C2CD2: variants seen among roughly 807,000 people sequenced by gnomAD.
C2CD2 encodes C2 calcium dependent domain containing 2.
C2CD2 carries 43 observed loss-of-function variants against 74.3 expected under a neutral mutation model. That is an observed-to-expected ratio of 0.58 (90% CI 0.45 to 0.75). The LOEUF (loss-of-function observed/expected upper bound fraction) is 0.75. C2CD2 is among the 30% of genes least tolerant of loss of function. The pLI is 0.00. For synonymous variants in C2CD2, 422 were observed against 390.7 expected, an observed-to-expected ratio of 1.08 and a Z score of -0.94; for missense variants, 801 against 916.3, an observed-to-expected ratio of 0.87 and a Z score of 1.63.
At position 41,918,852 on chromosome 21, in the gene C2CD2, T is replaced by C; in HGVS notation, c.597+4A>G. The C allele has an allele frequency of 1.2e-6, 2 of 1,610,524 alleles. No individual in the cohort carries two copies. Among genetic ancestry groups the C allele is most frequent in the Non-Finnish European group, 1.7e-6 (2 of 1,176,762 alleles). ...GGAAGAATCATAAAAACTTACGGAC[T>C]GACCTCCCCCAGTGCTTTGGGCTGG... On this transcript the variant is annotated splice_donor_region_variant and intron_variant, in intron 4 of 13. Transcript: ENST00000380486.
intron 4 of C2CD2, among the ~76,000 whole-genome samples, chr21:41,918,653 A>G (rs923552452): frequency 1.3e-5 from 2 of 151,936 alleles, no homozygotes; most frequent in Admixed American, 1.3e-4. Context: ...CATCCAATCC[A>G]TCAAAGCCAT....
rs1436370679 is a variant in C2CD2 at position 41,939,708 on chromosome 21, A to G, written c.378+2439T>C. Among the ~76,000 whole-genome samples, 1 of 152,094 alleles carries G rather than the reference A, an allele frequency of 6.6e-6. No homozygotes were observed. The highest frequency in any genetic ancestry group is 1.5e-5 in the Non-Finnish European group (1 of 68,008). ...TACTTTCCAGTGACTTCCTCACACT[A>G]CTTACAAGGATTATCTAACAGCGTG... On this transcript the variant is annotated intron_variant, in intron 2 of 13. Transcript: ENST00000380486. This position sits in a 1 kb window ranked among gnomAD's most constrained non-coding sequence, Gnocchi z 5.5.
intron 13 of C2CD2, chr21:41,894,922 G>A (rs1386694861): frequency 2.2e-6 from 1 of 456,714 alleles, no homozygotes; most frequent in East Asian, 6.9e-5. Context: ...AACCCCATAT[G>A]GAATGTACCG....
rs532361675 is a variant in C2CD2 at position 41,899,599 on chromosome 21, G to A, written c.1561-237C>T. Among the ~76,000 whole-genome samples, 2 of 152,182 alleles carry A rather than the reference G, an allele frequency of 1.3e-5. No homozygotes were observed. The highest frequency in any genetic ancestry group is 2.1e-4 in the South Asian group (1 of 4,816). On this transcript the variant is annotated intron_variant, in intron 12 of 13. Transcript: ENST00000380486. This position sits in a 1 kb window ranked among gnomAD's most constrained non-coding sequence, Gnocchi z 4.4. Reference sequence around the variant, plus strand: ...CCTAGGCAGCTGGGGGTTGGCCCCCGGGGCTCAGAGGTTAACCCTCTTCCT... The same window carrying A: ...CCTAGGCAGCTGGGGGTTGGCCCCCAGGGCTCAGAGGTTAACCCTCTTCCT...
At chr21:41,912,226 G>C in intron 7 of C2CD2, 106 bp downstream of exon 7, 2 of 628,246 alleles carry the variant, frequency 3.2e-6, no homozygotes, top group South Asian at 3.9e-5. Context: ...TAACTGTTTT[G>C]GTTTAGTGTT....
In C2CD2 at chr21:41,887,763, T is replaced by G. The variant is rs2064701897; in HGVS notation, c.*1361A>C. On this transcript the variant is annotated 3_prime_UTR_variant, in exon 14 of 14. Transcript: ENST00000380486. ...GGCTACGGAAGGAAGCTTGCCCATT[T>G]CCGTCTCCATGACAGAAGCCAAGCT... 6.6e-6 allele frequency: 1 copy of G among 152,222 alleles called. No individual in the cohort carries two copies. The highest frequency in any genetic ancestry group is 6.5e-5 in the Admixed American group (1 of 15,284). 9.4% of individuals were successfully genotyped at this position (152,222 alleles called of 1,614,324 possible).
chr21:41,900,801 CAA>C (rs1028990192), intron 12 of C2CD2, among the ~76,000 whole-genome samples: 1 of 151,582 alleles, frequency 6.6e-6, no homozygotes, highest in African/African-American at 2.4e-5. Context: ...TTGGAAATGT[CAA>C]AAAAAAGTAA....
At chr21:41,915,994 T>G (rs948579383) in intron 5 of C2CD2, among the ~76,000 whole-genome samples, 1 of 152,174 alleles carries the variant, frequency 6.6e-6, no homozygotes, top group Non-Finnish European at 1.5e-5. Context: ...GACTGAGCAC[T>G]TCTTCGGGGG....
intron 1 of C2CD2, among the ~76,000 whole-genome samples, chr21:41,951,705 C>T (rs1453400188): frequency 2.0e-5 from 3 of 152,210 alleles, no homozygotes; most frequent in Non-Finnish European, 4.4e-5. Context: ...CAGCCTAAGA[C>T]AGATGCCAGG....
At position 41,939,804 on chromosome 21, in the gene C2CD2, C is replaced by T. The variant is rs779302280; in HGVS notation, c.378+2343G>A. Among the ~76,000 whole-genome samples, 2 of 152,212 alleles carry T rather than the reference C, an allele frequency of 1.3e-5. No individual in the cohort carries two copies. The highest frequency in any genetic ancestry group is 2.4e-5 in the African/African-American group (1 of 41,448). On this transcript the variant is annotated intron_variant, in intron 2 of 13. Coordinates refer to ENST00000380486, the MANE Select transcript of C2CD2 (RefSeq NM_015500.2). The surrounding 1 kb of genome is among the most constrained non-coding windows in gnomAD (Gnocchi z 5.5). ...CTGCTGGGGCAGAGAAAACCGGGAA[C>T]AGCACTTTGGTGACTGACTCAGGAA...
At chr21:41,925,887 A>T (rs915487949) in intron 2 of C2CD2, among the ~76,000 whole-genome samples, 1 of 152,026 alleles carries the variant, frequency 6.6e-6, no homozygotes, top group Admixed American at 6.6e-5. Flanking sequence ...CCTGATTTTG[A>T]CCCTAGATCC....
chr21:41,929,559 T>C lies in C2CD2; in HGVS notation c.379-7474A>G, dbSNP rs979305942. On this transcript the variant is annotated intron_variant, in intron 2 of 13. Coordinates refer to ENST00000380486, the MANE Select transcript of C2CD2 (RefSeq NM_015500.2). This position sits in a 1 kb window ranked among gnomAD's most constrained non-coding sequence, Gnocchi z 4.6. ...CTCCCTGGCTTCTGAGATGGGCCTTTCCCCAGACTAGGTGGGTTATAACTT... is the reference window on the plus strand; with the variant it reads ...CTCCCTGGCTTCTGAGATGGGCCTTCCCCCAGACTAGGTGGGTTATAACTT... Among the ~76,000 whole-genome samples, 1 of 150,760 alleles carries C rather than the reference T, an allele frequency of 6.6e-6. No homozygotes were observed. Among genetic ancestry groups the C allele is most frequent in the Non-Finnish European group, 1.5e-5 (1 of 67,252 alleles).
chr21:41,931,446 C>T (rs536164231), intron 2 of C2CD2, among the ~76,000 whole-genome samples: 1 of 130,356 alleles, frequency 7.7e-6, no homozygotes, highest in Non-Finnish European at 1.6e-5. Flanking sequence ...TTTTTTGAGA[C>T]GGAGTCTTGC....
At chr21:41,907,611 G>GTTAC (rs1312763801) in intron 9 of C2CD2, 49 bp downstream of exon 9, 1 of 1,589,788 alleles carries the variant, frequency 6.3e-7, no homozygotes, top group Non-Finnish European at 8.5e-7. Context: ...CGCTCCTTGG[G>GTTAC]TAAGTGCCCC....
At chr21:41,889,883 T>C (rs2064730267) in intron 13 of C2CD2, among the ~76,000 whole-genome samples, 1 of 152,022 alleles carries the variant, frequency 6.6e-6, no homozygotes, top group South Asian at 2.1e-4. Context: ...GATCCACCCC[T>C]CCCTCAGCCT....
chr21:41,887,338 G>C lies in C2CD2; in HGVS notation c.*1786C>G, dbSNP rs1268039913. ...TAATTTTTAAAAACAAAGCAGGTTG[G>C]AAAAGTCATTTTAAAGTCACTTGAT... is the stretch of plus-strand genomic sequence containing the variant. On this transcript the variant is annotated 3_prime_UTR_variant, in exon 14 of 14. Transcript: ENST00000380486. 6.6e-6 allele frequency: 1 copy of C among 152,104 alleles called. No homozygotes were observed. Among genetic ancestry groups the C allele is most frequent in the Non-Finnish European group, 1.5e-5 (1 of 68,026 alleles). 9.4% of individuals were successfully genotyped at this position (152,104 alleles called of 1,614,324 possible).
chr21:41,945,785 C>A lies in C2CD2; in HGVS notation c.280-3540G>T, dbSNP rs143205500. 6.6e-6 allele frequency among the ~76,000 whole-genome samples: 1 copy of A among 152,086 alleles called. No individual in the cohort carries two copies. Among genetic ancestry groups the A allele is most frequent in the Admixed American group, 6.5e-5 (1 of 15,274 alleles). ...CCTCCTTCCTTCTTCCCTCTCCTGCCGCCTTATGAAGAAGGTGACGGCTTT... is the reference window on the plus strand; with the variant it reads ...CCTCCTTCCTTCTTCCCTCTCCTGCAGCCTTATGAAGAAGGTGACGGCTTT... On this transcript the variant is annotated intron_variant, in intron 1 of 13. Coordinates refer to ENST00000380486, the MANE Select transcript of C2CD2 (RefSeq NM_015500.2). This position sits in a 1 kb window ranked among gnomAD's most constrained non-coding sequence, Gnocchi z 4.2.
Position 41,901,664 on chromosome 21 carries a change from C to T in C2CD2, c.1518G>A (p.Ser506=), listed in dbSNP as rs374371561. 1.7e-5 allele frequency: 27 copies of T among 1,614,006 alleles called. No homozygotes were observed. The highest frequency in any genetic ancestry group is 1.2e-4 in the African/African-American group (9 of 74,910). Residue 506 remains serine (S), a synonymous_variant, in exon 12 of 14, where the codon TCG becomes TCA. Transcript: ENST00000380486. ...TGATAATAGTGCTTTTCTTCCGTGG[C>T]GACTTGAGTTTCAGCTTTGAAGATT... is the stretch of plus-strand genomic sequence containing the variant. ...LSESSKLKLK[S]PRKKSTIIIS...
intron 8 of C2CD2, chr21:41,908,579 C>T (rs998084970): frequency 2.0e-4 from 30 of 152,134 alleles, no homozygotes; most frequent in African/African-American, 6.7e-4. Context: ...CACGGGCATC[C>T]CAGTTTTCTC....
Sources: gnomAD v4.1 joint callset for allele counts (sites outside exome capture counted in the v4.1 genomes callset) on GRCh38, gnomAD v4.1.1 for gene constraint, Gnocchi (gnomAD v3.1) non-coding constraint, MANE v1.5 for transcripts, NCBI Gene and HGNC (gene_info 2026-07-23, HGNC 2026-07-21) for gene names.